TTI1: variants seen among roughly 807,000 people sequenced by gnomAD.
TTI1 encodes the protein TELO2-interacting protein 1 homolog.
In TTI1, 52 loss-of-function variants were observed where a neutral mutation model predicts 85.4. The ratio of observed to expected loss-of-function variants is 0.61; its 90% CI spans 0.49 to 0.77. The LOEUF is 0.77. Ranked by LOEUF, TTI1 falls within the 30% of genes least tolerant of loss-of-function variation. The pLI is 0.00. For missense variants in TTI1, 1,173 were observed against 1,296.0 expected, an observed-to-expected ratio of 0.91 and a Z score of 1.46; for synonymous variants, 512 against 503.9, an observed-to-expected ratio of 1.02 and a Z score of -0.22.
intron 1 of TTI1, among the ~76,000 whole-genome samples, chr20:38,019,726 CAG>C (rs1247480124): frequency 2.0e-5 from 3 of 152,214 alleles, no homozygotes; most frequent in Non-Finnish European, 2.9e-5. Context: ...TACATTTGTG[CAG>C]AGTTTCTCAA....
chr20:38,011,608 C>T lies in TTI1; in HGVS notation c.2209G>A (p.Val737Met). The T allele has an allele frequency of 6.2e-7, 1 of 1,614,242 alleles. No individual in the cohort carries two copies. The highest frequency in any genetic ancestry group is 8.5e-7 in the Non-Finnish European group (1 of 1,180,038). The change falls in exon 2 of 8, where the codon GTG (valine) becomes ATG (methionine). Residue 737 changes from valine to methionine, a missense_variant. Coordinates refer to ENST00000373447, the MANE Select transcript of TTI1 (RefSeq NM_001303457.2). The stretch of plus-strand genomic sequence containing the variant: ...AGGGTGGCCAAGACATCTTGAACCA[C>T]ATCTGCCACCAAAGGAAGCAGGTTA... ...DANLLPLVAD[V>M]VQDVLATLDQ...
intron 3 of TTI1, among the ~76,000 whole-genome samples, chr20:38,004,735 T>C (rs1159746981): frequency 2.6e-5 from 4 of 152,220 alleles, no homozygotes; most frequent in African/African-American, 9.7e-5. Flanking sequence ...ACTCTTTCAG[T>C]CTGCTCTACG....
chr20:38,005,974 T>C (rs2073491610), intron 3 of TTI1: 4 of 512,296 alleles, frequency 7.8e-6, no homozygotes, highest in East Asian at 3.8e-5. Context: ...GAGTTGCTTA[T>C]AACTAAACAC....
intron 2 of TTI1, among the ~76,000 whole-genome samples, chr20:38,009,701 C>T (rs1397633768): frequency 6.6e-6 from 1 of 152,092 alleles, no homozygotes; most frequent in East Asian, 1.9e-4. Context: ...CGAGGCCATA[C>T]TAGGTTGCCC....
chr20:38,005,686 G>A (rs1160959055), intron 3 of TTI1, among the ~76,000 whole-genome samples: 7 of 151,694 alleles, frequency 4.6e-5, no homozygotes, highest in Admixed American at 1.3e-4. Context: ...AGTATAAATT[G>A]ACACAACCTT....
At chr20:38,020,350 A>ATATATATATATATATATG (rs1487473454) in intron 1 of TTI1, among the ~76,000 whole-genome samples, 7 of 125,828 alleles carry the variant, frequency 5.6e-5, no homozygotes, top group Non-Finnish European at 1.0e-4. Context: ...ATATATATAT[A>ATATATATATATATATATG]TATGTATGTA....
rs372619185 is a variant in TTI1 at position 38,013,330 on chromosome 20, C to G, written c.487G>C (p.Glu163Gln). The G allele has an allele frequency of 1.6e-5, 26 of 1,613,986 alleles. No homozygotes were observed. The highest frequency in any genetic ancestry group is 2.2e-5 in the Non-Finnish European group (26 of 1,180,044). Reference sequence around the variant, plus strand: ...TTAATTTGCTTTGATTTCTCCTGTTCTGCAAGGCCTAACAGTAAAGATACA... The same window carrying G: ...TTAATTTGCTTTGATTTCTCCTGTTGTGCAAGGCCTAACAGTAAAGATACA... ...FAVSLLLGLA[E>Q]QEKSKQIKIA... The change falls in exon 2 of 8, where the codon GAA (glutamate) becomes CAA (glutamine). Residue 163 changes from glutamate to glutamine, a missense_variant. Coordinates refer to ENST00000373447, the MANE Select transcript of TTI1 (RefSeq NM_001303457.2).
intron 1 of TTI1, among the ~76,000 whole-genome samples, chr20:38,025,871 G>T (rs557280652): frequency 6.6e-6 from 1 of 152,188 alleles, no homozygotes; most frequent in Admixed American, 6.5e-5. Flanking sequence ...GCTGGAAGAT[G>T]GAACAATAGG....
chr20:38,007,198 C>A (rs982325598), intron 2 of TTI1, among the ~76,000 whole-genome samples: 12 of 152,186 alleles, frequency 7.9e-5, no homozygotes, highest in Admixed American at 5.9e-4. Context: ...ACAGAATATA[C>A]CACTCATTAG....
chr20:38,019,862 A>G (rs1039453767), intron 1 of TTI1, among the ~76,000 whole-genome samples: 1 of 152,228 alleles, frequency 6.6e-6, no homozygotes, highest in East Asian at 1.9e-4. Context: ...ATCTGCTGCT[A>G]GTAGCACCAA....
chr20:38,026,652 C>T (rs750110639), intron 1 of TTI1, among the ~76,000 whole-genome samples: 4 of 152,046 alleles, frequency 2.6e-5, no homozygotes, highest in Admixed American at 1.3e-4. Context: ...TGTCACCAGC[C>T]GACTTACTGT....
intron 1 of TTI1, among the ~76,000 whole-genome samples, chr20:38,016,377 GCTCT>G (rs1187885659): frequency 1.3e-5 from 2 of 152,178 alleles, no homozygotes; most frequent in Non-Finnish European, 2.9e-5. Context: ...ATGGCCTAGG[GCTCT>G]CTCTCTTATT....
In TTI1 at chr20:37,983,370, C is replaced by CA; in HGVS notation, c.*85dup. ...AATTCACCTTCTCTGCTGCCGCTGC[C>CA]ACCGCCTATGGCCGGGGTGGGGTCA... is the stretch of plus-strand genomic sequence containing the variant. On this transcript the variant is annotated 3_prime_UTR_variant, in exon 8 of 8. Coordinates refer to ENST00000373447, the MANE Select transcript of TTI1 (RefSeq NM_001303457.2). 7.1e-7 allele frequency: 1 copy of CA among 1,400,562 alleles called. No individual in the cohort carries two copies. The highest frequency in any genetic ancestry group is 1.3e-5 in the South Asian group (1 of 76,054). 86.8% of individuals were successfully genotyped at this position (1,400,562 alleles called of 1,614,324 possible).
intron 7 of TTI1, among the ~76,000 whole-genome samples, chr20:37,992,468 G>C (rs1600605905): frequency 6.6e-6 from 1 of 152,186 alleles, no homozygotes; most frequent in South Asian, 2.1e-4. Context: ...GTAGAGACAG[G>C]GTTTCGCTAT....
Position 38,002,684 on chromosome 20 carries a change from C to T in TTI1, c.2596G>A (p.Val866Met), listed in dbSNP as rs750069243. The change falls in exon 4 of 8, where the codon GTG (valine) becomes ATG (methionine). Residue 866 changes from valine (V) to methionine (M), a missense_variant. Coordinates refer to ENST00000373447, the MANE Select transcript of TTI1 (RefSeq NM_001303457.2). Reference protein sequence around the residue: ...LPLQIQIAMDVMERCIHLLSD... With the variant: ...LPLQIQIAMDMMERCIHLLSD... Reference sequence around the variant, plus strand: ...AACAAGTGGATGCAGCGTTCCATCACGTCCATGGCTATTTGGATCTGCAAT... The same window carrying T: ...AACAAGTGGATGCAGCGTTCCATCATGTCCATGGCTATTTGGATCTGCAAT... 10 of 1,614,128 alleles carry T rather than the reference C, an allele frequency of 6.2e-6. No homozygotes were observed. Among genetic ancestry groups the T allele is most frequent in the East Asian group, 2.2e-5 (1 of 44,890 alleles).
chr20:38,031,001 C>T (rs1206146479), intron 1 of TTI1, among the ~76,000 whole-genome samples: 1 of 152,144 alleles, frequency 6.6e-6, no homozygotes, highest in African/African-American at 2.4e-5. Context: ...TCTTTCACAC[C>T]CCATATCCAA....
At chr20:38,022,790 A>G (rs888149126) in intron 1 of TTI1, among the ~76,000 whole-genome samples, 12 of 152,222 alleles carry the variant, frequency 7.9e-5, no homozygotes, top group African/African-American at 2.9e-4. Flanking sequence ...TTCCCTTCTG[A>G]AGAACAAGTC....
chr20:38,024,266 A>G (rs1425755478), intron 1 of TTI1, among the ~76,000 whole-genome samples: 1 of 152,212 alleles, frequency 6.6e-6, no homozygotes, highest in Non-Finnish European at 1.5e-5. Flanking sequence ...ATATTAATAT[A>G]AACAAAAATT....
chr20:37,994,773 G>A (rs1186508150), intron 7 of TTI1, among the ~76,000 whole-genome samples: 2 of 152,172 alleles, frequency 1.3e-5, no homozygotes, highest in African/African-American at 4.8e-5. Context: ...GTCAAGTGGT[G>A]GGGCTGCGTG....
Sources: allele counts gnomAD v4.1 joint callset (sites outside exome capture counted in the v4.1 genomes callset), GRCh38; gene constraint gnomAD v4.1.1; transcripts MANE v1.5; gene names NCBI Gene and HGNC (gene_info 2026-07-23, HGNC 2026-07-21).